Variants in PLPP1 observed in about 807,000 individuals in gnomAD.
PLPP1 encodes lipid phosphate phosphohydrolase 1a.
PLPP1 carries 24 observed loss-of-function variants against 31.2 expected under a neutral mutation model. The ratio of observed to expected loss-of-function variants is 0.77; its 90% confidence interval spans 0.56 to 1.08. The LOEUF (loss-of-function observed/expected upper bound fraction) is 1.08. Among genes scored for constraint, PLPP1 ranks in the 50% least tolerant of loss-of-function variants. The pLI is 0.00. For missense variants in PLPP1, 319 were observed against 342.7 expected (o/e 0.93, Z 0.55); for synonymous variants, 146 against 126.3 (o/e 1.16, Z -1.05).
chr5:55,474,004 T>G (rs796193323), intron 2 of PLPP1, among the ~76,000 whole-genome samples: 22 of 150,758 alleles, frequency 1.5e-4, no homozygotes, highest in Admixed American at 2.6e-4. Context: ...GTTGTTTTTT[T>G]TTTTTTTTTC....
intron 1 of PLPP1, among the ~76,000 whole-genome samples, chr5:55,496,292 T>C (rs926058283): frequency 7.9e-5 from 12 of 152,218 alleles, no homozygotes; most frequent in Admixed American, 3.9e-4. Context: ...CTAAAGAACA[T>C]AGATACTGTT....
chr5:55,456,366 G>T (rs1328940486), intron 3 of PLPP1, among the ~76,000 whole-genome samples: 2 of 152,090 alleles, frequency 1.3e-5, no homozygotes, highest in Non-Finnish European at 2.9e-5. Context: ...AACCAAAATT[G>T]TAGGAGGATA....
chr5:55,432,635 C>A (rs967667974), intron 4 of PLPP1, among the ~76,000 whole-genome samples: 4 of 141,018 alleles, frequency 2.8e-5, no homozygotes, highest in Non-Finnish European at 4.6e-5. Flanking sequence ...CAACAAAATG[C>A]TAGCCAGCCT....
At chr5:55,514,361 G>A (rs1753508143) in intron 1 of PLPP1, among the ~76,000 whole-genome samples, 1 of 148,436 alleles carries the variant, frequency 6.7e-6, no homozygotes, top group Admixed American at 6.8e-5. Flanking sequence ...ACTCCACCCT[G>A]AACAACAGAG....
intron 1 of PLPP1, among the ~76,000 whole-genome samples, chr5:55,483,295 A>C (rs1752707778): frequency 6.6e-6 from 1 of 152,238 alleles, no homozygotes; most frequent in Non-Finnish European, 1.5e-5. Context: ...GAAAAATACA[A>C]GTGCTTAATG....
intron 1 of PLPP1, among the ~76,000 whole-genome samples, chr5:55,525,012 C>A (rs183807596): frequency 2.6e-5 from 4 of 152,254 alleles, no homozygotes; most frequent in African/African-American, 9.6e-5. Flanking sequence ...CTACACAGAT[C>A]AATTTTCACC....
chr5:55,490,144 CTTTTTT>C (rs896241457), intron 1 of PLPP1, among the ~76,000 whole-genome samples: 5 of 83,376 alleles, frequency 6.0e-5, no homozygotes, highest in East Asian at 3.6e-4. Context: ...CTTTTCTTTT[CTTTTTT>C]TTTTTTTTTT....
At chr5:55,477,478 C>G (rs138911869) in intron 1 of PLPP1, among the ~76,000 whole-genome samples, 2 of 150,700 alleles carry the variant, frequency 1.3e-5, no homozygotes, top group East Asian at 3.9e-4. Context: ...ACTGCACACT[C>G]CACTTCCAGG....
chr5:55,454,709 G>A (rs1290231325), intron 3 of PLPP1, among the ~76,000 whole-genome samples: 1 of 152,190 alleles, frequency 6.6e-6, no homozygotes, highest in African/African-American at 2.4e-5. Context: ...ACAAAGTGAA[G>A]GATCTTTTTA....
intron 4 of PLPP1, among the ~76,000 whole-genome samples, chr5:55,437,577 T>C (rs1183066316): frequency 1.3e-5 from 2 of 151,642 alleles, no homozygotes; most frequent in African/African-American, 2.4e-5. Flanking sequence ...GCAGGCTCAA[T>C]GCAAAGAAAT....
intron 1 of PLPP1, among the ~76,000 whole-genome samples, chr5:55,483,055 T>C (rs144936102): frequency 6.6e-6 from 1 of 152,250 alleles, no homozygotes; most frequent in Non-Finnish European, 1.5e-5. Context: ...TCCACAACAA[T>C]TCAACCCAAA....
rs541952958 is a variant in PLPP1 at position 55,443,924 on chromosome 5, CAATGGA to C, written c.492-2022_492-2017del. ...TAAGCAAACAGAATAAAGCACAAAA[CAATGGA>C]AATTCAAAGCATTCATATTCCATAT... On this transcript the variant is annotated intron_variant, in intron 3 of 5. Coordinates refer to ENST00000307259, the MANE Select transcript of PLPP1 (RefSeq NM_003711.4). 1.7e-4 allele frequency among the ~76,000 whole-genome samples: 26 copies of C among 152,174 alleles called. No homozygotes were observed. The South Asian group carries it at 5.2e-3, about 30-fold the overall frequency.
intron 5 of PLPP1, 187 bp from the exon 6 acceptor site, chr5:55,425,521 T>A (rs1378483273): frequency 1.8e-6 from 1 of 542,818 alleles, no homozygotes; most frequent in African/African-American, 2.0e-5. Flanking sequence ...AGAGTTGCTT[T>A]GTTATGCCTT....
intron 1 of PLPP1, among the ~76,000 whole-genome samples, chr5:55,482,379 A>G (rs1457178698): frequency 1.3e-5 from 2 of 152,070 alleles, no homozygotes; most frequent in African/African-American, 4.8e-5. Context: ...AGTAGTCATT[A>G]TCAAACATAA....
intron 3 of PLPP1, among the ~76,000 whole-genome samples, chr5:55,443,414 C>CCA (rs1751680969): frequency 1.3e-5 from 2 of 151,780 alleles, no homozygotes; most frequent in African/African-American, 4.8e-5. Flanking sequence ...TGCTATTTGA[C>CCA]CACACAGAAT....
At chr5:55,468,355 C>CA (rs1579944744) in intron 2 of PLPP1, 1 of 462,810 alleles carries the variant, frequency 2.2e-6, no homozygotes, top group Non-Finnish European at 3.8e-6. Context: ...CAATGGTGGA[C>CA]ATTACTTACA....
intron 2 of PLPP1, among the ~76,000 whole-genome samples, 156 bp downstream of exon 2, chr5:55,475,143 A>T (rs940834455): frequency 1.3e-5 from 2 of 152,196 alleles, no homozygotes; most frequent in Middle Eastern, 3.2e-3. Context: ...TCCACTTAAA[A>T]TAGCTGAGAT....
intron 1 of PLPP1, among the ~76,000 whole-genome samples, chr5:55,489,503 T>A (rs1487541037): frequency 1.3e-5 from 2 of 152,198 alleles, no homozygotes; most frequent in Non-Finnish European, 2.9e-5. Context: ...GCTAGATTTT[T>A]CTCATTTTAC....
chr5:55,490,867 A>G, intron 1 of PLPP1: 3 of 1,356,312 alleles, frequency 2.2e-6, no homozygotes, highest in Non-Finnish European at 2.0e-6. Context: ...ACTGGTGAAG[A>G]CAGTACTGTG....
Sources: gnomAD v4.1 joint callset for allele counts (sites outside exome capture counted in the v4.1 genomes callset) on GRCh38, gnomAD v4.1.1 for gene constraint, MANE v1.5 for transcripts, NCBI Gene and HGNC (gene_info 2026-07-23, HGNC 2026-07-21) for gene names.